Variants in SYNE1 observed in about 807,000 individuals in gnomAD.
SYNE1 encodes spectrin repeat containing nuclear envelope protein 1.
A neutral mutation model predicts 1,111.0 loss-of-function variants in SYNE1; 616 were observed. The ratio of observed to expected loss-of-function variants is 0.55; its 90% CI spans 0.52 to 0.59. The LOEUF is 0.59. Among genes scored for constraint, SYNE1 ranks in the 20% least tolerant of loss-of-function variants. SYNE1 has a pLI of 0.00. For missense variants in SYNE1, 10,006 were observed against 10,417.0 expected (o/e 0.96, Z 1.72); for synonymous variants, 3,855 against 3,825.8 (o/e 1.01, Z -0.28).
intron 73 of SYNE1, among the ~76,000 whole-genome samples, chr6:152,345,376 T>G (rs1462485630): frequency 6.6e-6 from 1 of 152,156 alleles, no homozygotes; most frequent in Non-Finnish European, 1.5e-5. Flanking sequence ...TCACTCCCCC[T>G]TTTCTCCCCT....
At chr6:152,244,967 AAAAG>A (rs1342880443) in intron 105 of SYNE1, among the ~76,000 whole-genome samples, 1 of 152,200 alleles carries the variant, frequency 6.6e-6, no homozygotes, top group Non-Finnish European at 1.5e-5. Flanking sequence ...ATAGTTAAAA[AAAAG>A]AGCATCATTT....
At chr6:152,309,814 G>A in intron 90 of SYNE1, 21 bp downstream of exon 90, 2 of 1,612,894 alleles carry the variant, frequency 1.2e-6, no homozygotes, top group Non-Finnish European at 1.7e-6. Flanking sequence ...TGCTCTACTG[G>A]TGTGGGTACC....
intron 3 of SYNE1, among the ~76,000 whole-genome samples, chr6:152,591,438 G>C (rs1242613733): frequency 6.6e-6 from 1 of 152,160 alleles, no homozygotes; most frequent in Non-Finnish European, 1.5e-5. Context: ...AAATGGTGCT[G>C]GGATAACTGG....
chr6:152,596,270 GTTT>G (rs35952199), intron 3 of SYNE1, among the ~76,000 whole-genome samples: 2 of 89,172 alleles, frequency 2.2e-5, no homozygotes, highest in African/African-American at 8.0e-5. Flanking sequence ...TTGTTTGTTT[GTTT>G]TTTTTTTTTT....
Position 152,493,232 on chromosome 6 carries a change from G to A in SYNE1, c.940-4729C>T, listed in dbSNP as rs986691954. Among the ~76,000 whole-genome samples, 16 of 151,942 alleles carry A rather than the reference G, an allele frequency of 1.1e-4. 1 individual carries two copies. Among genetic ancestry groups the A allele is most frequent in the Non-Finnish European group, 1.8e-4 (12 of 68,010 alleles). On this transcript the variant is annotated intron_variant, in intron 11 of 145. Transcript: ENST00000367255. Reference sequence around the variant, plus strand: ...CACAACAGGCTTTGAGAGGACTAAAGCCTGTCCAGGATCTTCACCTTATCA... The same window carrying A: ...CACAACAGGCTTTGAGAGGACTAAAACCTGTCCAGGATCTTCACCTTATCA...
At chr6:152,180,619 GA>G (rs2067727274) in intron 128 of SYNE1, among the ~76,000 whole-genome samples, 1 of 151,002 alleles carries the variant, frequency 6.6e-6, no homozygotes, top group South Asian at 2.1e-4. Flanking sequence ...AAGAAGAAAG[GA>G]AAGAAGGGAA....
At chr6:152,525,011 C>A (rs1303091564) in intron 5 of SYNE1, among the ~76,000 whole-genome samples, 3 of 152,164 alleles carry the variant, frequency 2.0e-5, no homozygotes, top group Admixed American at 2.0e-4. Context: ...CAGACAGATA[C>A]TACGAGTGCT....
At position 152,430,177 on chromosome 6, in the gene SYNE1, G is replaced by T. The variant is rs200424447; in HGVS notation, c.4723C>A (p.Leu1575Ile). The T allele has an allele frequency of 1.2e-6, 2 of 1,604,858 alleles. No homozygotes were observed. The highest frequency in any genetic ancestry group is 2.2e-5 in the East Asian group (1 of 44,672). ...QQSVSEFEDK[L>I]AVPIKICSSA... is the part of the protein sequence containing the mutation. ...GAACATATTTTAATTGGAACAGCAA[G>T]TTTATCTTCAAATTCAGACACAGAT... Residue 1575 changes from leucine (L) to isoleucine (I), a missense_variant, in exon 36 of 146, where the codon CTT (leucine) becomes ATT (isoleucine). This residue lies in a region of SYNE1 where 1,971 missense variants were observed against 2,084.1 expected (regional missense o/e 0.95). Transcript: ENST00000367255.
chr6:152,548,136 C>T (rs1001277009), intron 3 of SYNE1, among the ~76,000 whole-genome samples: 1 of 152,182 alleles, frequency 6.6e-6, no homozygotes, highest in Non-Finnish European at 1.5e-5. Flanking sequence ...CCACAGCAGC[C>T]TCATATGTGT....
At chr6:152,497,760 A>G (rs2099007393) in intron 11 of SYNE1, among the ~76,000 whole-genome samples, 2 of 152,210 alleles carry the variant, frequency 1.3e-5, no homozygotes, top group African/African-American at 2.4e-5. Context: ...TCTCCTTTCT[A>G]AGAGAAAAAT....
chr6:152,364,749 A>C, intron 63 of SYNE1, 98 bp downstream of exon 63: 1 of 1,260,652 alleles, frequency 7.9e-7, no homozygotes, highest in Non-Finnish European at 1.1e-6. Context: ...AAGGAAAGGG[A>C]AGGGAAGGGA....
chr6:152,368,743 T>A, intron 61 of SYNE1: 1 of 566,250 alleles, frequency 1.8e-6, no homozygotes, highest in Non-Finnish European at 3.2e-6. Context: ...GTCTCCTCAA[T>A]CTTTGAAACC....
chr6:152,454,227 C>T (rs1037348691), intron 24 of SYNE1, among the ~76,000 whole-genome samples: 2 of 152,148 alleles, frequency 1.3e-5, no homozygotes, highest in Admixed American at 6.5e-5. Flanking sequence ...CACACAGAAG[C>T]ACACATGTGC....
Position 152,308,555 on chromosome 6 carries a change from C to A in SYNE1, c.17280G>T (p.Glu5760Asp). ...TGGTGGCAACAGGTTTATCCTCAAT[C>A]TCTCTGTGAGCTCCTTCTATCAGTT... ...LQQLIEGAHR[E>D]IEDKPVATSN... Residue 5760 changes from glutamate to aspartate, a missense_variant, in exon 91 of 146, where the codon GAG becomes GAT. This residue lies in a region of SYNE1 where 4,955 missense variants were observed against 5,017.2 expected (regional missense o/e 0.99). Transcript: ENST00000367255. 1 of 1,613,932 alleles carries A rather than the reference C, an allele frequency of 6.2e-7. No homozygotes were observed. Among genetic ancestry groups the A allele is most frequent in the Non-Finnish European group, 8.5e-7 (1 of 1,180,026 alleles).
intron 127 of SYNE1, among the ~76,000 whole-genome samples, chr6:152,197,360 T>C (rs1281769494): frequency 6.6e-6 from 1 of 152,326 alleles, no homozygotes; most frequent in African/African-American, 2.4e-5. Context: ...CTTCCTCAGG[T>C]CAAATCGGGA....
chr6:152,474,117 G>A (rs2098822285), intron 14 of SYNE1, among the ~76,000 whole-genome samples: 1 of 151,958 alleles, frequency 6.6e-6, no homozygotes, highest in African/African-American at 2.4e-5. Context: ...CCCAGGAGGT[G>A]GAGGTCGCAG....
intron 14 of SYNE1, among the ~76,000 whole-genome samples, chr6:152,472,986 A>G (rs1165665995): frequency 6.6e-6 from 1 of 152,226 alleles, no homozygotes. Flanking sequence ...ACACAGTGAG[A>G]AGATTAAATG....
Position 152,601,512 on chromosome 6 carries a change from C to T in SYNE1, c.67+26753G>A, listed in dbSNP as rs1227714954. Among the ~76,000 whole-genome samples the T allele has an allele frequency of 2.0e-5, 3 of 152,234 alleles. No individual in the cohort carries two copies. In the East Asian group the frequency reaches 5.8e-4, roughly 29 times the overall value. ...GTGTCGCCTACACAAGGTGAGGAAA[C>T]TTCGCAGCAGGATTAGAATGTGGAT... On this transcript the variant is annotated intron_variant, in intron 3 of 145. Transcript: ENST00000367255.
chr6:152,482,382 T>C (rs1398150631), intron 14 of SYNE1, among the ~76,000 whole-genome samples: 2 of 152,214 alleles, frequency 1.3e-5, no homozygotes, highest in Admixed American at 6.5e-5. Context: ...ACATTGCCCA[T>C]GTGTAGTCAG....
Sources: gnomAD v4.1 joint callset for allele counts (sites outside exome capture counted in the v4.1 genomes callset) on GRCh38, gnomAD v4.1.1 for gene constraint, gnomAD v4.1.1 regional missense constraint, MANE v1.5 for transcripts, NCBI Gene and HGNC (gene_info 2026-07-23, HGNC 2026-07-21) for gene names.